Variants in RAP1GAP observed in about 807,000 individuals in gnomAD.
RAP1GAP encodes RAP1 GTPase activating protein.
Under a neutral mutation model 87.2 loss-of-function variants are expected in RAP1GAP, and 35 were observed. The ratio of observed to expected loss-of-function variants is 0.40; its 90% CI spans 0.31 to 0.53. The LOEUF (loss-of-function observed/expected upper bound fraction) is 0.53. Ranked by LOEUF, RAP1GAP falls within the 20% of genes least tolerant of loss-of-function variation. The probability of loss-of-function intolerance (pLI) is 0.48; values close to 1 mark genes in which losing one functional copy is unlikely to be tolerated. For synonymous variants in RAP1GAP, 375 were observed against 363.9 expected (o/e 1.03, Z -0.35); for missense variants, 734 against 898.9 (o/e 0.82, Z 2.35).
chr1:21,639,802 C>T (rs1234716479), intron 2 of RAP1GAP, among the ~76,000 whole-genome samples: 1 of 152,152 alleles, frequency 6.6e-6, no homozygotes, highest in Non-Finnish European at 1.5e-5. Flanking sequence ...TCCTGGGAGT[C>T]GGCACCGGGT....
intron 2 of RAP1GAP, among the ~76,000 whole-genome samples, chr1:21,628,712 C>G (rs939681995): frequency 8.0e-5 from 12 of 150,694 alleles, no homozygotes; most frequent in African/African-American, 2.7e-4. Flanking sequence ...GAGTGAGACT[C>G]CATCTCAAAT....
intron 2 of RAP1GAP, among the ~76,000 whole-genome samples, chr1:21,638,623 G>A (rs2095188504): frequency 6.6e-6 from 1 of 152,112 alleles, no homozygotes; most frequent in South Asian, 2.1e-4. Context: ...AGTTTACATG[G>A]CTTATCTCTG....
At position 21,640,513 on chromosome 1, in the gene RAP1GAP, A is replaced by G. The variant is rs182633907; in HGVS notation, c.-113+9248T>C. ...AGCTGTCTCTACAAGGGTCAAGTCT[A>G]TGAGTGTGAGTAGGGAAATATGTGT... On this transcript the variant is annotated intron_variant, in intron 2 of 24. Transcript: ENST00000374765. 2.8e-3 allele frequency among the ~76,000 whole-genome samples: 430 copies of G among 152,282 alleles called. 4 individuals are homozygous for G. Among genetic ancestry groups the G allele is most frequent in the South Asian group, 6.2e-3 (30 of 4,818 alleles).
At chr1:21,618,887 C>G (rs150275476) in intron 5 of RAP1GAP, 138 bp downstream of exon 5, 11 of 1,005,974 alleles carry the variant, frequency 1.1e-5, no homozygotes, top group Admixed American at 2.2e-5. Flanking sequence ...GTGCCTCCCC[C>G]CCTACCCCCG....
At chr1:21,611,409 G>A (rs1394014819) in intron 13 of RAP1GAP, 43 bp downstream of exon 13, 26 of 1,584,108 alleles carry the variant, frequency 1.6e-5, no homozygotes, top group Non-Finnish European at 2.1e-5. Context: ...TGGAGGGGGA[G>A]GACAGGTGGA....
intron 2 of RAP1GAP, among the ~76,000 whole-genome samples, chr1:21,643,510 T>C (rs977841774): frequency 1.4e-5 from 2 of 145,776 alleles, no homozygotes; most frequent in African/African-American, 5.1e-5. Context: ...TGAGCCAAGA[T>C]CGTGCCACTG....
intron 1 of RAP1GAP, among the ~76,000 whole-genome samples, chr1:21,656,161 G>A (rs919581936): frequency 5.9e-5 from 9 of 152,140 alleles, no homozygotes; most frequent in Non-Finnish European, 1.3e-4. Flanking sequence ...GGCTGGGCGC[G>A]GTGGCTCACG....
chr1:21,653,202 C>A (rs1472675681), intron 1 of RAP1GAP: 1 of 152,216 alleles, frequency 6.6e-6, no homozygotes, highest in Non-Finnish European at 1.5e-5. Context: ...CTCTCTCACA[C>A]CAATTACTTC....
chr1:21,616,077 C>A (rs1192235593), intron 7 of RAP1GAP, among the ~76,000 whole-genome samples: 1 of 151,546 alleles, frequency 6.6e-6, no homozygotes, highest in Non-Finnish European at 1.5e-5. Flanking sequence ...AGGCCAATGG[C>A]CAGGCCCAGA....
At position 21,603,298 on chromosome 1, in the gene RAP1GAP, C is replaced by A; in HGVS notation, c.1429-385G>T. On this transcript the variant is annotated intron_variant, in intron 18 of 24. Coordinates refer to ENST00000374765, the MANE Select transcript of RAP1GAP (RefSeq NM_002885.4). The surrounding 1 kb of genome is among the most constrained non-coding windows in gnomAD (Gnocchi z 6.0). The stretch of plus-strand genomic sequence containing the variant: ...CAGTGTAGCAACCCAAGTCCCACCC[C>A]GTGCCAGCTAGGGCCCCTCCCCGGA... 4 of 385,138 alleles carry A rather than the reference C, an allele frequency of 1.0e-5. No individual in the cohort carries two copies. In the South Asian group the frequency reaches 1.8e-4, roughly 17 times the overall value. The allele number at this position is 385,138 out of a possible 1,614,324, so 23.9% of individuals were successfully genotyped here.
chr1:21,649,935 G>T, intron 1 of RAP1GAP, 139 bp from the exon 2 acceptor site: 1 of 844,592 alleles, frequency 1.2e-6, no homozygotes, highest in Non-Finnish European at 1.9e-6. Flanking sequence ...GCCTGATGCA[G>T]TCACTATCAC....
rs962452209 is a variant in RAP1GAP, at chr1:21,601,885, G to A, written c.1539-88C>T. ...AGGCCCAGGCGGTGAGGGGAGTCAC[G>A]GTGCCTCCTGCCTCATACCCACGCC... On this transcript the variant is annotated intron_variant, in intron 19 of 24. Coordinates refer to ENST00000374765, the MANE Select transcript of RAP1GAP (RefSeq NM_002885.4). 50 of 894,940 alleles carry A rather than the reference G, an allele frequency of 5.6e-5. 1 individual carries two copies. Among genetic ancestry groups the A allele is most frequent in the South Asian group, 4.2e-4 (25 of 59,864 alleles). The allele number at this position is 894,940 out of a possible 1,614,324, so 55.4% of individuals were successfully genotyped here.
At chr1:21,645,299 G>A (rs2095934011) in intron 2 of RAP1GAP, among the ~76,000 whole-genome samples, 2 of 151,906 alleles carry the variant, frequency 1.3e-5, no homozygotes, top group South Asian at 4.2e-4. Context: ...CAGCTCAATC[G>A]AAGTCTCAGC....
At chr1:21,626,167 A>T in intron 3 of RAP1GAP, 137 bp downstream of exon 3, 1 of 737,186 alleles carries the variant, frequency 1.4e-6, no homozygotes, top group Non-Finnish European at 2.3e-6. Flanking sequence ...GCAACCCCTT[A>T]GGAGCTAAAC....
chr1:21,629,234 G>C (rs79275552), intron 2 of RAP1GAP, among the ~76,000 whole-genome samples: 7,169 of 152,234 alleles, frequency 0.047, 211 homozygotes, highest in African/African-American at 0.063. Flanking sequence ...GCCCGGTAAA[G>C]CTGGAGTGCT....
intron 2 of RAP1GAP, among the ~76,000 whole-genome samples, chr1:21,646,045 C>T (rs1051828931): frequency 6.6e-6 from 1 of 152,242 alleles, no homozygotes; most frequent in African/African-American, 2.4e-5. Flanking sequence ...CCTCTCTGAG[C>T]GTCAGTTCCC....
chr1:21,599,913 A>G (rs2066765848), intron 20 of RAP1GAP, among the ~76,000 whole-genome samples: 1 of 152,182 alleles, frequency 6.6e-6, no homozygotes, highest in South Asian at 2.1e-4. Flanking sequence ...GGTGTTCAAA[A>G]ACAGCAGCGG....
chr1:21,632,090 C>A (rs1184275017), intron 2 of RAP1GAP, among the ~76,000 whole-genome samples: 3 of 152,312 alleles, frequency 2.0e-5, no homozygotes, highest in African/African-American at 7.2e-5. Flanking sequence ...CTGGAGCCAA[C>A]CTGGAGTCTG....
chr1:21,599,708 C>A (rs2066609932), intron 20 of RAP1GAP, 91 bp from the exon 21 acceptor site: 7 of 1,502,642 alleles, frequency 4.7e-6, no homozygotes, highest in Non-Finnish European at 4.4e-6. Flanking sequence ...ACCCGGGAGG[C>A]CCAGCTGGTA....
Sources: allele counts gnomAD v4.1 joint callset (sites outside exome capture counted in the v4.1 genomes callset), GRCh38; gene constraint gnomAD v4.1.1; non-coding constraint Gnocchi (gnomAD v3.1); transcripts MANE v1.5; gene names NCBI Gene and HGNC (gene_info 2026-07-23, HGNC 2026-07-21).